MAP3K5: variants seen among roughly 807,000 people sequenced by gnomAD.
MAP3K5 encodes mitogen-activated protein kinase kinase kinase 5.
A neutral mutation model predicts 158.7 loss-of-function variants in MAP3K5; 56 were observed. That is an observed-to-expected ratio of 0.35 (90% CI 0.28 to 0.44). The LOEUF is 0.44. MAP3K5 is among the 20% of genes least tolerant of loss of function. The probability of loss-of-function intolerance (pLI) is 1.00; values close to 1 mark genes in which losing one functional copy is unlikely to be tolerated. For synonymous variants in MAP3K5, 579 were observed against 601.7 expected (o/e 0.96, Z 0.55); for missense variants, 1,294 against 1,674.8 (o/e 0.77, Z 3.97).
At chr6:136,689,243 T>A (rs544256508) in intron 7 of MAP3K5, among the ~76,000 whole-genome samples, 1 of 152,270 alleles carries the variant, frequency 6.6e-6, no homozygotes, top group African/African-American at 2.4e-5. Flanking sequence ...CAGACTTCAG[T>A]GAGTTATGAT....
rs531594120 is a variant in MAP3K5, at chr6:136,627,555, A to C, written c.2017-4574T>G. Among the ~76,000 whole-genome samples the C allele has an allele frequency of 3.3e-5, 5 of 152,310 alleles. No homozygotes were observed. In the East Asian group the frequency reaches 9.6e-4, roughly 29 times the overall value. ...TGTTGAAACCGAATCACAATGTATT[A>C]AGAGTTAGGCCCTTTAGAAGGTGAT... On this transcript the variant is annotated intron_variant, in intron 14 of 29. Transcript: ENST00000359015.
chr6:136,762,798 C>G (rs1411441604), intron 1 of MAP3K5, among the ~76,000 whole-genome samples: 2 of 152,118 alleles, frequency 1.3e-5, no homozygotes, highest in East Asian at 3.9e-4. Flanking sequence ...GTCCTCTCCC[C>G]CTTCCTCCTC....
intron 19 of MAP3K5, 40 bp from the exon 20 acceptor site, chr6:136,602,019 T>C: frequency 1.9e-6 from 3 of 1,550,630 alleles, no homozygotes; most frequent in Non-Finnish European, 2.7e-6. Context: ...GCCTTCTGAG[T>C]GAACATCTCA....
chr6:136,713,431 G>T (rs1781396427), intron 2 of MAP3K5, among the ~76,000 whole-genome samples: 1 of 152,172 alleles, frequency 6.6e-6, no homozygotes, highest in Non-Finnish European at 1.5e-5. Context: ...TCCTTAGAAG[G>T]TATACTATTG....
chr6:136,668,270 G>T (rs1283667128), intron 8 of MAP3K5, among the ~76,000 whole-genome samples: 1 of 152,012 alleles, frequency 6.6e-6, no homozygotes, highest in East Asian at 1.9e-4. Flanking sequence ...TACAGTCCCA[G>T]CTTCTTAGGA....
intron 14 of MAP3K5, among the ~76,000 whole-genome samples, chr6:136,625,692 AC>A (rs892610649): frequency 6.6e-6 from 1 of 152,172 alleles, no homozygotes; most frequent in African/African-American, 2.4e-5. Context: ...TTCATGGCAG[AC>A]CCCTTGAAGT....
intron 3 of MAP3K5, among the ~76,000 whole-genome samples, chr6:136,700,282 G>C (rs1199924491): frequency 6.6e-6 from 1 of 152,156 alleles, no homozygotes; most frequent in Non-Finnish European, 1.5e-5. Flanking sequence ...TGAGGTTTGA[G>C]GAGATGAGTC....
chr6:136,557,961 G>A (rs545105522), intron 29 of MAP3K5, 143 bp from the exon 30 acceptor site: 62 of 620,700 alleles, frequency 1.0e-4, no homozygotes, highest in Admixed American at 1.7e-4. Context: ...TATTCTTTTT[G>A]TATATTTTTT....
intron 25 of MAP3K5, among the ~76,000 whole-genome samples, chr6:136,574,835 G>A (rs1281693161): frequency 1.3e-5 from 2 of 151,706 alleles, no homozygotes; most frequent in South Asian, 2.1e-4. Context: ...GACTACAGGC[G>A]CCCGCTACCT....
At position 136,697,138 on chromosome 6, in the gene MAP3K5, C is replaced by A; in HGVS notation, c.975+81G>T. On this transcript the variant is annotated intron_variant, in intron 5 of 29. Transcript: ENST00000359015. Reference sequence around the variant, plus strand: ...TGTAGTAACATGAACTGCTTACCAGCAAACTGAAATTTGAGGTTAATACTC... The same window carrying A: ...TGTAGTAACATGAACTGCTTACCAGAAAACTGAAATTTGAGGTTAATACTC... 4.7e-6 allele frequency: 6 copies of A among 1,286,546 alleles called. No individual in the cohort carries two copies. The South Asian group carries it at 6.2e-5, about 13-fold the overall frequency. 79.7% of individuals were successfully genotyped at this position (1,286,546 alleles called of 1,614,324 possible). A position where few individuals can be genotyped will look rare whatever the true frequency, so the allele number is the denominator to read the frequency against.
chr6:136,609,208 C>A lies in MAP3K5; in HGVS notation c.2521+2074G>T, dbSNP rs1282154675. ...CAGAAATTACTGAGTCTTGACAGCA[C>A]TGAAACTGCTGCTTGCCAAGTTAAG... On this transcript the variant is annotated intron_variant, in intron 18 of 29. Transcript: ENST00000359015. This position sits in a 1 kb window ranked among gnomAD's most constrained non-coding sequence, Gnocchi z 4.4. Among the ~76,000 whole-genome samples the A allele has an allele frequency of 1.3e-5, 2 of 152,120 alleles. No individual in the cohort carries two copies. The highest frequency in any genetic ancestry group is 2.9e-5 in the Non-Finnish European group (2 of 68,008).
intron 3 of MAP3K5, among the ~76,000 whole-genome samples, chr6:136,699,242 T>C (rs1780741748): frequency 6.6e-6 from 1 of 152,204 alleles, no homozygotes; most frequent in South Asian, 2.1e-4. Context: ...CCATCTGTCC[T>C]GCCTCCAAAA....
intron 1 of MAP3K5, among the ~76,000 whole-genome samples, chr6:136,731,903 G>T (rs1471181315): frequency 1.3e-5 from 2 of 152,162 alleles, no homozygotes; most frequent in Non-Finnish European, 2.9e-5. Context: ...GGGACAGAAA[G>T]ATCTAAAAGC....
At chr6:136,698,330 T>C (rs1043862497) in intron 4 of MAP3K5, among the ~76,000 whole-genome samples, 159 bp downstream of exon 4, 1 of 152,240 alleles carries the variant, frequency 6.6e-6, no homozygotes, top group African/African-American at 2.4e-5. Flanking sequence ...AAATGTATTA[T>C]GTGGCATCTA....
chr6:136,608,718 T>A (rs1675299619), intron 18 of MAP3K5, among the ~76,000 whole-genome samples: 1 of 152,190 alleles, frequency 6.6e-6, no homozygotes, highest in Non-Finnish European at 1.5e-5. Context: ...CACCACAAAC[T>A]GGGATAATGA....
chr6:136,584,927 C>T lies in MAP3K5; in HGVS notation c.3226-1187G>A, dbSNP rs114867474. ...GTCCTTGGTACTTCAGTTGTCCTAA[C>T]GGTGTGTCAGTTCCTTGCAACCAAG... On this transcript the variant is annotated intron_variant, in intron 23 of 29. Transcript: ENST00000359015. Among the ~76,000 whole-genome samples the T allele has an allele frequency of 5.4e-3, 816 of 152,250 alleles. 6 individuals are homozygous for T. Among genetic ancestry groups the T allele is most frequent in the African/African-American group, 0.019 (779 of 41,546 alleles).
intron 1 of MAP3K5, among the ~76,000 whole-genome samples, chr6:136,759,482 A>ATAT (rs1420942856): frequency 2.1e-5 from 3 of 142,004 alleles, no homozygotes; most frequent in Non-Finnish European, 3.1e-5. Flanking sequence ...ATATATATAT[A>ATAT]AAGTTTGAGA....
At chr6:136,783,890 G>A (rs1784727724) in intron 1 of MAP3K5, among the ~76,000 whole-genome samples, 1 of 108,020 alleles carries the variant, frequency 9.3e-6, no homozygotes, top group African/African-American at 2.8e-5. Flanking sequence ...ACATTTCCCG[G>A]ACTTTGTGCT....
At chr6:136,607,936 C>T (rs1380877627) in intron 18 of MAP3K5, among the ~76,000 whole-genome samples, 1 of 152,092 alleles carries the variant, frequency 6.6e-6, no homozygotes, top group Non-Finnish European at 1.5e-5. Context: ...AATATAGACC[C>T]GAGTGAAGAG....
Sources: allele counts gnomAD v4.1 joint callset (sites outside exome capture counted in the v4.1 genomes callset), GRCh38; gene constraint gnomAD v4.1.1; non-coding constraint Gnocchi (gnomAD v3.1); transcripts MANE v1.5; gene names NCBI Gene and HGNC (gene_info 2026-07-23, HGNC 2026-07-21).